The following TMEM266 variants were observed in gnomAD, a reference collection of about 807,000 sequenced individuals.
The protein encoded by TMEM266 is transmembrane protein 266, also known as Hv1 related protein 1.
A neutral mutation model predicts 50.5 loss-of-function variants in TMEM266; 33 were observed. That is an observed-to-expected ratio of 0.65 (90% CI 0.50 to 0.87). The LOEUF is 0.87. Among genes scored for constraint, TMEM266 ranks in the 40% least tolerant of loss-of-function variants. The pLI is 0.00. For missense variants in TMEM266, 655 were observed against 695.1 expected (o/e 0.94, Z 0.65); for synonymous variants, 310 against 292.3 (o/e 1.06, Z -0.62).
intron 1 of TMEM266, among the ~76,000 whole-genome samples, chr15:76,123,878 A>G (rs1477055959): frequency 1.3e-5 from 2 of 151,954 alleles, no homozygotes; most frequent in African/African-American, 2.4e-5. Context: ...ATGCCTGACT[A>G]ATTTTTGTAT....
At chr15:76,074,257 C>A (rs2036575058) in intron 1 of TMEM266, among the ~76,000 whole-genome samples, 1 of 152,034 alleles carries the variant, frequency 6.6e-6, no homozygotes. Flanking sequence ...TTTTATTTTT[C>A]ATTTTTAATT....
intron 3 of TMEM266, among the ~76,000 whole-genome samples, chr15:76,148,370 T>TCGTTCTCAC (rs2037788126): frequency 6.6e-6 from 1 of 152,132 alleles, no homozygotes; most frequent in Admixed American, 6.5e-5. Flanking sequence ...ATTTGTTCCC[T>TCGTTCTCAC]CGTTCTCACC....
intron 10 of TMEM266, among the ~76,000 whole-genome samples, chr15:76,203,489 A>C (rs1413029011): frequency 6.6e-6 from 1 of 152,196 alleles, no homozygotes. Context: ...GTCACTTCTC[A>C]TGGGTAACTG....
intron 8 of TMEM266, among the ~76,000 whole-genome samples, chr15:76,176,653 C>T (rs971036870): frequency 1.3e-5 from 2 of 152,166 alleles, no homozygotes; most frequent in East Asian, 1.9e-4. Flanking sequence ...CAGGGCCAGG[C>T]GAGTTCTTCA....
intron 1 of TMEM266, among the ~76,000 whole-genome samples, chr15:76,114,565 A>C (rs565259347): frequency 6.6e-6 from 1 of 152,258 alleles, no homozygotes; most frequent in South Asian, 2.1e-4. Flanking sequence ...ACATCACACT[A>C]TATTGTTTTG....
At chr15:76,202,075 C>T (rs899215858) in intron 9 of TMEM266, 127 bp from the exon 10 acceptor site, 10 of 756,688 alleles carry the variant, frequency 1.3e-5, no homozygotes, top group African/African-American at 3.5e-5. Flanking sequence ...AGGCAGCTCC[C>T]GTCACACACA....
At chr15:76,192,470 CTT>C (rs1350164212) in intron 9 of TMEM266, among the ~76,000 whole-genome samples, 2 of 152,166 alleles carry the variant, frequency 1.3e-5, no homozygotes, top group African/African-American at 2.4e-5. Flanking sequence ...GGAGGTGTGA[CTT>C]TTCTGTTGTA....
intron 1 of TMEM266, among the ~76,000 whole-genome samples, chr15:76,108,276 G>T (rs2037116234): frequency 6.6e-6 from 1 of 152,222 alleles, no homozygotes; most frequent in Non-Finnish European, 1.5e-5. Flanking sequence ...GAGCCTGGTT[G>T]CTGAGGCACC....
At chr15:76,109,146 C>T (rs558098911) in intron 1 of TMEM266, 1 of 152,314 alleles carries the variant, frequency 6.6e-6, no homozygotes, top group South Asian at 2.1e-4. Flanking sequence ...AAGTTGGAAC[C>T]AGAAAGACCT....
intron 8 of TMEM266, 124 bp from the exon 9 acceptor site, chr15:76,191,844 G>A: frequency 2.3e-6 from 2 of 857,454 alleles, no homozygotes; most frequent in South Asian, 2.0e-5. Flanking sequence ...TCATCCAGCT[G>A]CGGGAGGCTC....
intron 5 of TMEM266, among the ~76,000 whole-genome samples, chr15:76,163,746 G>T (rs1009100423): frequency 3.9e-5 from 6 of 152,116 alleles, no homozygotes; most frequent in African/African-American, 1.4e-4. Context: ...CGCATCCCTG[G>T]GGTCTGGAAA....
In TMEM266 at chr15:76,102,840, C is replaced by CAA. The variant is rs576336505; in HGVS notation, c.-96-31309_-96-31308dup. Among the ~76,000 whole-genome samples the CAA allele has an allele frequency of 5.9e-3, 287 of 48,312 alleles. 6 individuals carry two copies. The highest frequency in any genetic ancestry group is 0.018 in the African/African-American group (258 of 14,544). 31.7% of individuals were successfully genotyped at this position (48,312 alleles called of 152,430 possible). ...GGCAACAGAGTGAGACCCTTATCTCCAAAAAAAAAAAAAAAAAAAACGGAG... is the reference window on the plus strand; with the variant it reads ...GGCAACAGAGTGAGACCCTTATCTCCAAAAAAAAAAAAAAAAAAAAAACGGAG... On this transcript the variant is annotated intron_variant, in intron 1 of 10. Transcript: ENST00000388942.
At chr15:76,133,863 G>A (rs972376260) in intron 1 of TMEM266, among the ~76,000 whole-genome samples, 1 of 152,202 alleles carries the variant, frequency 6.6e-6, no homozygotes, top group Admixed American at 6.5e-5. Flanking sequence ...GTTTTGGGGG[G>A]CACAGCAGTT....
Position 76,175,656 on chromosome 15 carries a change from G to C in TMEM266, c.750G>C (p.Gln250His), listed in dbSNP as rs763347104. 4.3e-6 allele frequency: 7 copies of C among 1,614,082 alleles called. No individual in the cohort carries two copies. Among genetic ancestry groups the C allele is most frequent in the Non-Finnish European group, 5.9e-6 (7 of 1,179,942 alleles). Residue 250 changes from glutamine to histidine, a missense_variant, in exon 8 of 11, where the codon CAG (glutamine) becomes CAC (histidine). Coordinates refer to ENST00000388942, the MANE Select transcript of TMEM266 (RefSeq NM_152335.3). ...ACGAGCAGCTGGAGAGGCTGACGCA[G>C]ATCTGTCAGGAGCAAGGGGTAATGC...
intron 1 of TMEM266, among the ~76,000 whole-genome samples, chr15:76,117,257 T>G (rs544872607): frequency 2.0e-5 from 3 of 152,058 alleles, no homozygotes; most frequent in African/African-American, 7.2e-5. Context: ...ATTTTTTTTT[T>G]CATTGACAAG....
intron 9 of TMEM266, 71 bp from the exon 10 acceptor site, chr15:76,202,131 G>A: frequency 7.6e-7 from 1 of 1,312,776 alleles, no homozygotes; most frequent in South Asian, 1.4e-5. Context: ...GACCGTGGGG[G>A]TGGGGACAGG....
chr15:76,117,584 C>T (rs7181904), intron 1 of TMEM266, among the ~76,000 whole-genome samples: 47,810 of 151,742 alleles, frequency 0.32, 8,890 homozygotes, highest in East Asian at 0.62. Flanking sequence ...TGACCCTGAA[C>T]GCAAGCCGTG....
At chr15:76,071,801 C>T (rs896262182) in intron 1 of TMEM266, among the ~76,000 whole-genome samples, 8 of 152,192 alleles carry the variant, frequency 5.3e-5, no homozygotes, top group East Asian at 1.9e-4. Flanking sequence ...AGGCTTCCCC[C>T]GCTTCCCTGC....
chr15:76,116,786 A>G (rs954110453), intron 1 of TMEM266, among the ~76,000 whole-genome samples: 3 of 150,998 alleles, frequency 2.0e-5, no homozygotes, highest in Non-Finnish European at 4.4e-5. Context: ...CTTATTTCCT[A>G]TTATGTTACA....
Sources: allele counts gnomAD v4.1 joint callset (sites outside exome capture counted in the v4.1 genomes callset), GRCh38; gene constraint gnomAD v4.1.1; transcripts MANE v1.5; gene names NCBI Gene and HGNC (gene_info 2026-07-23, HGNC 2026-07-21).